ATXN2: variants seen among roughly 807,000 people sequenced by gnomAD.
The protein encoded by ATXN2 is ataxin-2.
A neutral mutation model predicts 138.6 loss-of-function variants in ATXN2; 37 were observed. That is an observed-to-expected ratio of 0.27 (90% CI 0.21 to 0.35). ATXN2 has a LOEUF of 0.35. Among genes scored for constraint, ATXN2 ranks in the 10% least tolerant of loss-of-function variants. The pLI is 1.00. For synonymous variants in ATXN2, 549 were observed against 543.7 expected (o/e 1.01, Z -0.13); for missense variants, 1,216 against 1,480.3 (o/e 0.82, Z 2.93).
chr12:111,562,325 G>A (rs768452279), intron 1 of ATXN2, among the ~76,000 whole-genome samples: 2 of 152,066 alleles, frequency 1.3e-5, no homozygotes, highest in Admixed American at 6.6e-5. Flanking sequence ...CCCAGCTACA[G>A]ATGGGAGGTT....
chr12:111,553,604 A>AAATATTTTTTTTTT (rs1882237738), intron 3 of ATXN2, among the ~76,000 whole-genome samples: 1 of 85,004 alleles, frequency 1.2e-5, no homozygotes, highest in Non-Finnish European at 1.9e-5. Flanking sequence ...AAAAAAAAAA[A>AAATATTTTTTTTTT]TTTTTTTTTT....
chr12:111,483,238 CA>C (rs780429904), intron 18 of ATXN2, among the ~76,000 whole-genome samples: 3 of 146,680 alleles, frequency 2.0e-5, no homozygotes, highest in South Asian at 2.2e-4. Context: ...CACACACACA[CA>C]AAACACCCAA....
chr12:111,494,340 G>A (rs1187058392), intron 14 of ATXN2, among the ~76,000 whole-genome samples: 1 of 151,876 alleles, frequency 6.6e-6, no homozygotes, highest in Non-Finnish European at 1.5e-5. Flanking sequence ...CTCTTTGCTT[G>A]CTTGTTTTTG....
chr12:111,465,663 G>A (rs1243494400), intron 20 of ATXN2, among the ~76,000 whole-genome samples: 3 of 150,132 alleles, frequency 2.0e-5, no homozygotes, highest in Admixed American at 1.3e-4. Flanking sequence ...CCACCTACTC[G>A]GGAGGCTGAG....
intron 1 of ATXN2, among the ~76,000 whole-genome samples, chr12:111,559,129 G>GT (rs1189069436): frequency 2.7e-5 from 4 of 149,228 alleles, no homozygotes; most frequent in African/African-American, 1.0e-4. Context: ...AAAAATGACA[G>GT]TTTTTTGTTT....
Position 111,453,108 on chromosome 12 carries a change from C to T in ATXN2, c.3440-268G>A. The T allele has an allele frequency of 4.8e-6, 6 of 1,262,556 alleles. No homozygotes were observed. The highest frequency in any genetic ancestry group is 6.0e-6 in the Non-Finnish European group (6 of 1,003,916). 78.2% of individuals were successfully genotyped at this position (1,262,556 alleles called of 1,614,324 possible). A position where few individuals can be genotyped will look rare whatever the true frequency, so the allele number is the denominator to read the frequency against. On this transcript the variant is annotated intron_variant, in intron 24 of 24. Coordinates refer to ENST00000673436, the MANE Select transcript of ATXN2 (RefSeq NM_001372574.1). The surrounding 1 kb of genome is among the most constrained non-coding windows in gnomAD (Gnocchi z 5.4). ...AAAAAAAGGCCTTAACAAACCCCCT[C>T]CCCAAATATTAGCCAAGCACCAGTA...
Position 111,506,791 on chromosome 12 carries a change from G to C in ATXN2, c.1935+2758C>G, listed in dbSNP as rs1263107148. On this transcript the variant is annotated intron_variant, in intron 14 of 24. Coordinates refer to ENST00000673436, the MANE Select transcript of ATXN2 (RefSeq NM_001372574.1). ...TGATTCTCCTGCCTCAGCCTGCCTA[G>C]TGCCTGTGATTGCAGGCCCGCGCCG... 3.3e-5 allele frequency among the ~76,000 whole-genome samples: 5 copies of C among 152,238 alleles called. No individual in the cohort carries two copies. The East Asian group carries it at 7.7e-4, about 24-fold the overall frequency.
chr12:111,516,454 A>C lies in ATXN2; in HGVS notation c.1166-91T>G. Reference sequence around the variant, plus strand: ...ACAGAAAAAAAGTAAAATGACAAAAATGATTTCTTGTACATTTTAACCCTT... The same window carrying C: ...ACAGAAAAAAAGTAAAATGACAAAACTGATTTCTTGTACATTTTAACCCTT... On this transcript the variant is annotated intron_variant, in intron 9 of 24. Transcript: ENST00000673436. The surrounding 1 kb of genome is among the most constrained non-coding windows in gnomAD (Gnocchi z 5.0). 8.1e-7 allele frequency: 1 copy of C among 1,230,640 alleles called. No individual in the cohort carries two copies. Among genetic ancestry groups the C allele is most frequent in the Non-Finnish European group, 1.1e-6 (1 of 886,626 alleles). The allele number at this position is 1,230,640 out of a possible 1,614,324, so 76.2% of individuals were successfully genotyped here. A position where few individuals can be genotyped will look rare whatever the true frequency, so the allele number is the denominator to read the frequency against.
intron 1 of ATXN2, among the ~76,000 whole-genome samples, chr12:111,570,748 C>A (rs1943884553): frequency 6.6e-6 from 1 of 152,180 alleles, no homozygotes; most frequent in Non-Finnish European, 1.5e-5. Context: ...CCAATTTAAA[C>A]TATCTGCATG....
intron 5 of ATXN2, among the ~76,000 whole-genome samples, chr12:111,531,355 T>C (rs889997878): frequency 6.6e-6 from 1 of 152,030 alleles, no homozygotes; most frequent in Non-Finnish European, 1.5e-5. Context: ...CTTGAACTAC[T>C]AGGGAGGCGG....
At chr12:111,586,548 T>C (rs935510026) in intron 1 of ATXN2, among the ~76,000 whole-genome samples, 1 of 151,722 alleles carries the variant, frequency 6.6e-6, no homozygotes, top group Non-Finnish European at 1.5e-5. Flanking sequence ...ACCACGCCCA[T>C]TTAATTTTTT....
chr12:111,485,632 G>A (rs1877583143), intron 17 of ATXN2, 81 bp downstream of exon 17: 57 of 1,522,308 alleles, frequency 3.7e-5, no homozygotes, highest in Non-Finnish European at 5.0e-5. Flanking sequence ...ACACCCTCAA[G>A]TCACTGAAAA....
chr12:111,549,658 G>T (rs1882016486), intron 5 of ATXN2, among the ~76,000 whole-genome samples: 1 of 152,150 alleles, frequency 6.6e-6, no homozygotes, highest in Admixed American at 6.5e-5. Context: ...TTTCTGCCTG[G>T]ATAGTCTTAG....
At position 111,510,195 on chromosome 12, in the gene ATXN2, C is replaced by A. The variant is rs538216009; in HGVS notation, c.1756+190G>T. Among the ~76,000 whole-genome samples the A allele has an allele frequency of 5.3e-5, 8 of 152,186 alleles. No individual in the cohort carries two copies. The South Asian group carries it at 1.7e-3, about 32-fold the overall frequency. ...GGTATTTGACACCCAGGAATGTTAA[C>A]CTTTGTAACACAGACACTATATTAA... On this transcript the variant is annotated intron_variant, in intron 12 of 24. Coordinates refer to ENST00000673436, the MANE Select transcript of ATXN2 (RefSeq NM_001372574.1).
At chr12:111,562,720 CAAAAAAAA>C (rs34625134) in intron 1 of ATXN2, among the ~76,000 whole-genome samples, 10 of 55,980 alleles carry the variant, frequency 1.8e-4, no homozygotes, top group South Asian at 7.0e-4. Flanking sequence ...AACTCCATCT[CAAAAAAAA>C]AAAAAAAAAA....
intron 1 of ATXN2, among the ~76,000 whole-genome samples, chr12:111,562,316 C>A (rs192288285): frequency 1.2e-3 from 187 of 152,016 alleles, no homozygotes; most frequent in Admixed American, 3.3e-3. Context: ...GCCTGTAGTC[C>A]CAGCTACAGA....
intron 1 of ATXN2, among the ~76,000 whole-genome samples, chr12:111,567,562 CCAGCA>C (rs1214963167): frequency 6.6e-6 from 1 of 151,736 alleles, no homozygotes; most frequent in African/African-American, 2.4e-5. Flanking sequence ...GCCTGTAGTC[CCAGCA>C]CTTTGGGAGA....
chr12:111,524,196 A>T (rs1357768781), intron 6 of ATXN2, among the ~76,000 whole-genome samples: 1 of 152,232 alleles, frequency 6.6e-6, no homozygotes, highest in East Asian at 1.9e-4. Flanking sequence ...AATTAATGAC[A>T]TGTTGCCTGT....
At chr12:111,530,687 G>T (rs551231923) in intron 5 of ATXN2, among the ~76,000 whole-genome samples, 1 of 152,210 alleles carries the variant, frequency 6.6e-6, no homozygotes, top group Non-Finnish European at 1.5e-5. Flanking sequence ...AGTGGCCGGC[G>T]CCTGTAATCC....
Sources: gnomAD v4.1 joint callset for allele counts (sites outside exome capture counted in the v4.1 genomes callset) on GRCh38, gnomAD v4.1.1 for gene constraint, Gnocchi (gnomAD v3.1) non-coding constraint, MANE v1.5 for transcripts, NCBI Gene and HGNC (gene_info 2026-07-23, HGNC 2026-07-21) for gene names.